The following PPFIA2 variants were observed in gnomAD, a reference collection of about 807,000 sequenced individuals.
PPFIA2 encodes liprin-alpha-2.
In PPFIA2, 46 loss-of-function variants were observed where a neutral mutation model predicts 175.5. The ratio of observed to expected loss-of-function variants is 0.26; its 90% CI spans 0.21 to 0.34. PPFIA2 has a LOEUF of 0.34. PPFIA2 is among the 10% of genes least tolerant of loss of function. The pLI is 1.00. For synonymous variants in PPFIA2, 568 were observed against 511.4 expected, an observed-to-expected ratio of 1.11 and a Z score of -1.49; for missense variants, 1,179 against 1,506.1, an observed-to-expected ratio of 0.78 and a Z score of 3.60.
chr12:81,388,074 A>T (rs898631976), intron 8 of PPFIA2, among the ~76,000 whole-genome samples: 1 of 152,124 alleles, frequency 6.6e-6, no homozygotes, highest in African/African-American at 2.4e-5. Flanking sequence ...AAAATACAGG[A>T]GTTCTATGTT....
intron 4 of PPFIA2, among the ~76,000 whole-genome samples, chr12:81,490,847 G>T (rs530432069): frequency 6.6e-6 from 1 of 151,946 alleles, no homozygotes; most frequent in South Asian, 2.1e-4. Context: ...ACATCACAAT[G>T]GACTCAACTT....
chr12:81,402,319 A>C, intron 8 of PPFIA2, among the ~76,000 whole-genome samples: 1 of 151,722 alleles, frequency 6.6e-6, no homozygotes, highest in Non-Finnish European at 1.5e-5. Context: ...CTTTTGTTTG[A>C]ATATACCTTT....
At position 81,567,293 on chromosome 12, in the gene PPFIA2, C is replaced by G. The variant is rs1219404040; in HGVS notation, c.304-109427G>C. On this transcript the variant is annotated intron_variant, in intron 4 of 32. Coordinates refer to ENST00000549396, the MANE Select transcript of PPFIA2 (RefSeq NM_003625.5). ...CTCGATCTCCTGACCTCGTGATCCA[C>G]CTGCCTCGGCTTCCCAAAGTGCTGG... 3.3e-5 allele frequency among the ~76,000 whole-genome samples: 5 copies of G among 152,190 alleles called. No individual in the cohort carries two copies. In the East Asian group the frequency reaches 9.6e-4, roughly 29 times the overall value.
At chr12:81,657,057 T>G (rs1032649554) in intron 4 of PPFIA2, among the ~76,000 whole-genome samples, 1 of 152,152 alleles carries the variant, frequency 6.6e-6, no homozygotes, top group Non-Finnish European at 1.5e-5. Flanking sequence ...AATGCATAAA[T>G]TTCACGTTTT....
intron 4 of PPFIA2, among the ~76,000 whole-genome samples, chr12:81,537,429 A>G (rs1178216346): frequency 1.3e-5 from 2 of 151,844 alleles, no homozygotes; most frequent in Non-Finnish European, 2.9e-5. Context: ...AATTATAATC[A>G]AAGGCATCCA....
intron 5 of PPFIA2, among the ~76,000 whole-genome samples, chr12:81,453,053 G>A (rs1012978897): frequency 1.3e-5 from 2 of 150,696 alleles, no homozygotes; most frequent in Non-Finnish European, 3.0e-5. Flanking sequence ...GTGCAGGTTA[G>A]TTACATATGT....
chr12:81,582,732 A>T (rs766241648), intron 4 of PPFIA2, among the ~76,000 whole-genome samples: 47 of 150,972 alleles, frequency 3.1e-4, no homozygotes, highest in Non-Finnish European at 5.2e-4. Flanking sequence ...TTTACAAGGT[A>T]AAAAAAAATC....
At chr12:81,496,071 G>C (rs2059992779) in intron 4 of PPFIA2, among the ~76,000 whole-genome samples, 1 of 152,118 alleles carries the variant, frequency 6.6e-6, no homozygotes. Flanking sequence ...GTATTGTTTG[G>C]AGACCCAGGA....
intron 4 of PPFIA2, among the ~76,000 whole-genome samples, chr12:81,495,099 T>G (rs2059889882): frequency 1.3e-5 from 2 of 151,732 alleles, no homozygotes; most frequent in Admixed American, 1.3e-4. Context: ...ATAATAATAA[T>G]AAAATTTTAA....
At position 81,700,559 on chromosome 12, in the gene PPFIA2, T is replaced by G. The variant is rs191982088; in HGVS notation, c.250-23715A>C. 8.5e-4 allele frequency among the ~76,000 whole-genome samples: 130 copies of G among 152,232 alleles called. 2 individuals carry two copies. The East Asian group carries it at 0.02, about 23-fold the overall frequency. On this transcript the variant is annotated intron_variant, in intron 3 of 32. Coordinates refer to ENST00000549396, the MANE Select transcript of PPFIA2 (RefSeq NM_003625.5). ...TTTTGTTTTAACAAATTCCAAAGCA[T>G]ATGGTTCTGGGAAATGTGTTTCCAA...
In PPFIA2 at chr12:81,273,885, C is replaced by A. The variant is rs11114811; in HGVS notation, c.3310+3432G>T. Among the ~76,000 whole-genome samples, 11 of 150,026 alleles carry A rather than the reference C, an allele frequency of 7.3e-5. No individual in the cohort carries two copies. The South Asian group carries it at 8.4e-4, about 12-fold the overall frequency. On this transcript the variant is annotated intron_variant, in intron 28 of 32. Coordinates refer to ENST00000549396, the MANE Select transcript of PPFIA2 (RefSeq NM_003625.5). ...CAGAGTTTTGCCTCTTTCTCCCCGC[C>A]CCCCCCCAAACCGGTCTGCAGCAAA...
chr12:81,574,695 T>G (rs2153419123), intron 4 of PPFIA2, among the ~76,000 whole-genome samples: 1 of 151,784 alleles, frequency 6.6e-6, no homozygotes, highest in Middle Eastern at 3.4e-3. Context: ...TTTATAAATG[T>G]TTTATTATTA....
intron 7 of PPFIA2, among the ~76,000 whole-genome samples, chr12:81,437,616 T>C (rs1215980536): frequency 1.3e-5 from 2 of 152,182 alleles, no homozygotes; most frequent in Non-Finnish European, 2.9e-5. Flanking sequence ...TCTATCACGT[T>C]CATATTAAGC....
At chr12:81,643,282 A>G (rs911640340) in intron 4 of PPFIA2, among the ~76,000 whole-genome samples, 5 of 151,764 alleles carry the variant, frequency 3.3e-5, no homozygotes, top group Admixed American at 6.6e-5. Flanking sequence ...TTCAATAGAC[A>G]TCAAGAAACT....
At chr12:81,566,903 T>A (rs188022741) in intron 4 of PPFIA2, among the ~76,000 whole-genome samples, 206 of 152,350 alleles carry the variant, frequency 1.4e-3, no homozygotes, top group African/African-American at 4.5e-3. Context: ...TGTACATACG[T>A]GTGTACTGTA....
chr12:81,397,210 A>G (rs1206830886), intron 8 of PPFIA2, among the ~76,000 whole-genome samples: 4 of 152,046 alleles, frequency 2.6e-5, no homozygotes, highest in African/African-American at 9.7e-5. Context: ...GATTGGAATC[A>G]TGGAGAGAGT....
intron 4 of PPFIA2, among the ~76,000 whole-genome samples, chr12:81,598,974 A>G (rs2059534015): frequency 6.6e-6 from 1 of 152,054 alleles, no homozygotes; most frequent in Non-Finnish European, 1.5e-5. Context: ...ATTAATAAAA[A>G]TATTTAATAC....
At chr12:81,519,944 A>G (rs143203925) in intron 4 of PPFIA2, among the ~76,000 whole-genome samples, 26 of 152,330 alleles carry the variant, frequency 1.7e-4, no homozygotes, top group African/African-American at 5.5e-4. Flanking sequence ...GGAGATTAAC[A>G]AAAATAAAAT....
chr12:81,641,490 G>A (rs886534242), intron 4 of PPFIA2, among the ~76,000 whole-genome samples: 13 of 152,294 alleles, frequency 8.5e-5, no homozygotes, highest in African/African-American at 3.1e-4. Context: ...CCAGAAGTGA[G>A]GCTGTATGAG....
Sources: gnomAD v4.1 joint callset for allele counts (sites outside exome capture counted in the v4.1 genomes callset) on GRCh38, gnomAD v4.1.1 for gene constraint, MANE v1.5 for transcripts, NCBI Gene and HGNC (gene_info 2026-07-23, HGNC 2026-07-21) for gene names.